DLGAP2: variants seen among roughly 807,000 people sequenced by gnomAD.
The protein encoded by DLGAP2 is DLG associated protein 2.
DLGAP2 carries 26 observed loss-of-function variants against 100.3 expected under a neutral mutation model. The observed-to-expected ratio is 0.26, with a 90% confidence interval of 0.19 to 0.36. The LOEUF is 0.36. Ranked by LOEUF, DLGAP2 falls within the 10% of genes least tolerant of loss-of-function variation. The probability of loss-of-function intolerance (pLI) is 1.00; values close to 1 mark genes in which losing one functional copy is unlikely to be tolerated. For synonymous variants in DLGAP2, 886 were observed against 630.1 expected, an observed-to-expected ratio of 1.41 and a Z score of -6.08; for missense variants, 1,858 against 1,453.2, an observed-to-expected ratio of 1.28 and a Z score of -4.53.
intron 8 of DLGAP2, among the ~76,000 whole-genome samples, chr8:1,645,961 G>A (rs2130802341): frequency 6.6e-6 from 1 of 152,340 alleles, no homozygotes; most frequent in South Asian, 2.1e-4. Context: ...GTTAGGTGAT[G>A]TTTGCCATTG....
intron 1 of DLGAP2, among the ~76,000 whole-genome samples, chr8:795,632 G>GTGT (rs1491125816): frequency 6.1e-5 from 8 of 130,398 alleles, no homozygotes; most frequent in Admixed American, 8.0e-5. Flanking sequence ...GTGAGAGCAG[G>GTGT]CGTCCAGTGA....
At chr8:1,068,866 C>T (rs1803339663) in intron 2 of DLGAP2, among the ~76,000 whole-genome samples, 1 of 152,128 alleles carries the variant, frequency 6.6e-6, no homozygotes, top group African/African-American at 2.4e-5. Flanking sequence ...CAAGAAGATG[C>T]TTCTAGAGTG....
chr8:1,697,847 T>A (rs1337690442), intron 14 of DLGAP2, among the ~76,000 whole-genome samples: 3 of 152,186 alleles, frequency 2.0e-5, no homozygotes, highest in Non-Finnish European at 4.4e-5. Flanking sequence ...AGGCTGAAAT[T>A]TGCCATTAAA....
chr8:1,135,375 G>A (rs1013524020), intron 2 of DLGAP2, among the ~76,000 whole-genome samples: 2 of 152,154 alleles, frequency 1.3e-5, no homozygotes, highest in African/African-American at 2.4e-5. Flanking sequence ...CTGTCTGAGT[G>A]CATCTCGTCT....
chr8:1,424,733 T>A (rs966270878), intron 3 of DLGAP2, among the ~76,000 whole-genome samples: 2 of 152,096 alleles, frequency 1.3e-5, no homozygotes, highest in Non-Finnish European at 2.9e-5. Flanking sequence ...GATGGTGTGA[T>A]CCCCTTACAC....
intron 3 of DLGAP2, among the ~76,000 whole-genome samples, chr8:1,364,584 C>T (rs1182074855): frequency 1.3e-5 from 2 of 152,198 alleles, no homozygotes; most frequent in African/African-American, 4.8e-5. Flanking sequence ...ATTCCCTCAT[C>T]TTCGCAGCAG....
intron 3 of DLGAP2, among the ~76,000 whole-genome samples, chr8:1,480,397 C>T (rs1472443874): frequency 1.3e-5 from 2 of 152,162 alleles, no homozygotes; most frequent in African/African-American, 4.8e-5. Context: ...GTTTCACTGG[C>T]AGAAGCTCTC....
chr8:828,918 G>C (rs1192611162), intron 1 of DLGAP2, among the ~76,000 whole-genome samples: 1 of 152,190 alleles, frequency 6.6e-6, no homozygotes, highest in Non-Finnish European at 1.5e-5. Flanking sequence ...ATGGATTCAT[G>C]TTCCAAGAAG....
intron 8 of DLGAP2, among the ~76,000 whole-genome samples, chr8:1,646,309 G>A (rs79925025): frequency 0.035 from 5,331 of 152,168 alleles, 304 homozygotes; most frequent in African/African-American, 0.12. Context: ...TGCAGATCTC[G>A]GAACTCGTCA....
chr8:833,939 G>T (rs1286425804), intron 1 of DLGAP2, among the ~76,000 whole-genome samples: 2 of 152,204 alleles, frequency 1.3e-5, no homozygotes, highest in African/African-American at 4.8e-5. Flanking sequence ...TATGGAGCTG[G>T]TGGCTCCTCA....
intron 2 of DLGAP2, among the ~76,000 whole-genome samples, chr8:1,101,857 C>T (rs1177992502): frequency 7.5e-6 from 1 of 133,178 alleles, no homozygotes. Context: ...GAACACAACA[C>T]GACGATGGGA....
At chr8:1,641,823 T>G (rs1162840939) in intron 8 of DLGAP2, among the ~76,000 whole-genome samples, 3 of 152,096 alleles carry the variant, frequency 2.0e-5, no homozygotes, top group Admixed American at 1.3e-4. Flanking sequence ...TTTCAGGTTT[T>G]CAGATATTGT....
chr8:797,624 T>G (rs1796062621), intron 1 of DLGAP2, among the ~76,000 whole-genome samples: 1 of 152,214 alleles, frequency 6.6e-6, no homozygotes, highest in Non-Finnish European at 1.5e-5. Flanking sequence ...TTTGGAGAAC[T>G]TGGCACACAG....
intron 2 of DLGAP2, among the ~76,000 whole-genome samples, chr8:998,140 T>G (rs1800839726): frequency 6.6e-6 from 1 of 151,974 alleles, no homozygotes; most frequent in Non-Finnish European, 1.5e-5. Context: ...CATACACATG[T>G]GCATACACAA....
chr8:1,167,180 T>G (rs10104676), intron 2 of DLGAP2, among the ~76,000 whole-genome samples: 70,765 of 151,682 alleles, frequency 0.47, 18,664 homozygotes, highest in Admixed American at 0.61. Flanking sequence ...GCCTCCTGAC[T>G]TACATGACCG....
At chr8:863,302 A>C (rs1797427720) in intron 1 of DLGAP2, among the ~76,000 whole-genome samples, 1 of 152,216 alleles carries the variant, frequency 6.6e-6, no homozygotes, top group Non-Finnish European at 1.5e-5. Context: ...TTTCCTTGTA[A>C]GTAAACCCTC....
chr8:771,403 T>C (rs1448177290), intron 1 of DLGAP2, among the ~76,000 whole-genome samples: 2 of 152,234 alleles, frequency 1.3e-5, no homozygotes, highest in Non-Finnish European at 2.9e-5. Flanking sequence ...AAAAACACTT[T>C]CAGAAACACA....
At chr8:1,412,143 CT>C (rs779392907) in intron 3 of DLGAP2, among the ~76,000 whole-genome samples, 1 of 152,220 alleles carries the variant, frequency 6.6e-6, no homozygotes, top group Non-Finnish European at 1.5e-5. Flanking sequence ...TCCTCCTCAC[CT>C]GTGCTCCCTT....
intron 3 of DLGAP2, among the ~76,000 whole-genome samples, chr8:1,354,145 A>G (rs1482231628): frequency 3.9e-5 from 6 of 152,200 alleles, no homozygotes; most frequent in Admixed American, 2.0e-4. Flanking sequence ...ACCTTAAAGG[A>G]TATTCTCTCA....
Sources: gnomAD v4.1 joint callset for allele counts (sites outside exome capture counted in the v4.1 genomes callset) on GRCh38, gnomAD v4.1.1 for gene constraint, MANE v1.5 for transcripts, NCBI Gene and HGNC (gene_info 2026-07-23, HGNC 2026-07-21) for gene names.